Variants in LIMCH1 observed in about 807,000 individuals in gnomAD.
LIMCH1 encodes LIM and calponin homology domains 1.
Under a neutral mutation model 176.5 loss-of-function variants are expected in LIMCH1, and 113 were observed. The observed-to-expected ratio is 0.64, with a 90% CI of 0.55 to 0.75. The LOEUF (loss-of-function observed/expected upper bound fraction) is 0.75, where lower values mean the gene tolerates loss of function less well. LIMCH1 is among the 30% of genes least tolerant of loss of function. The pLI, the probability that LIMCH1 is intolerant of heterozygous loss-of-function variation, is 0.00. For missense variants in LIMCH1, 1,674 were observed against 1,814.9 expected (o/e 0.92, Z 1.41); for synonymous variants, 619 against 645.9 (o/e 0.96, Z 0.63).
intron 1 of LIMCH1, among the ~76,000 whole-genome samples, chr4:41,566,513 T>C (rs1024270277): frequency 5.3e-5 from 8 of 152,216 alleles, no homozygotes; most frequent in Non-Finnish European, 1.0e-4. Context: ...ATCAGAATAC[T>C]GAAGGACAGT....
intron 27 of LIMCH1, 92 bp from the exon 28 acceptor site, chr4:41,685,618 C>A: frequency 1.3e-6 from 2 of 1,487,660 alleles, no homozygotes; most frequent in Non-Finnish European, 1.9e-6. Flanking sequence ...TATAAAACCT[C>A]AACAGGCATT....
intron 22 of LIMCH1, among the ~76,000 whole-genome samples, chr4:41,675,633 G>A (rs574739625): frequency 8.5e-5 from 13 of 152,072 alleles, no homozygotes; most frequent in Admixed American, 7.9e-4. Flanking sequence ...TGGTTTCCTG[G>A]GGGCAGGCTG....
At chr4:41,633,124 C>A (rs2093412046) in intron 12 of LIMCH1, 39 bp downstream of exon 12, 1 of 1,400,116 alleles carries the variant, frequency 7.1e-7, no homozygotes, top group Non-Finnish European at 9.7e-7. Flanking sequence ...TGGTGTGTTG[C>A]CCCTGCTGTG....
chr4:41,476,946 T>C (rs771057473), intron 1 of LIMCH1, among the ~76,000 whole-genome samples: 12 of 152,214 alleles, frequency 7.9e-5, no homozygotes, highest in Non-Finnish European at 1.3e-4. Context: ...GGGGTTTATT[T>C]TCTTATTACA....
intron 1 of LIMCH1, among the ~76,000 whole-genome samples, chr4:41,415,829 T>C (rs778805806): frequency 2.1e-4 from 32 of 150,296 alleles, no homozygotes; most frequent in Non-Finnish European, 4.6e-4. Flanking sequence ...TAAAAAAAAA[T>C]AGCTGGGCAT....
chr4:41,427,305 A>G (rs1302588283), intron 1 of LIMCH1, among the ~76,000 whole-genome samples: 1 of 152,202 alleles, frequency 6.6e-6, no homozygotes, highest in African/African-American at 2.4e-5. Flanking sequence ...AAGGAAGGCC[A>G]TATCATGTGT....
chr4:41,516,874 C>G (rs1009925875), intron 2 of LIMCH1, among the ~76,000 whole-genome samples: 1 of 152,192 alleles, frequency 6.6e-6, no homozygotes, highest in Non-Finnish European at 1.5e-5. Flanking sequence ...AGTATGTGCC[C>G]AGGTGTTAAA....
intron 1 of LIMCH1, among the ~76,000 whole-genome samples, chr4:41,476,503 A>T (rs1347076381): frequency 6.6e-6 from 1 of 152,110 alleles, no homozygotes; most frequent in Non-Finnish European, 1.5e-5. Context: ...GCAACACCAC[A>T]CTCTGCATCA....
At chr4:41,393,031 A>G (rs923223939) in intron 1 of LIMCH1, among the ~76,000 whole-genome samples, 2 of 152,210 alleles carry the variant, frequency 1.3e-5, no homozygotes, top group African/African-American at 2.4e-5. Flanking sequence ...CTCTGTCTCA[A>G]AAAAGAAAAA....
chr4:41,546,442 A>ATT (rs61474012), intron 1 of LIMCH1, among the ~76,000 whole-genome samples: 3,242 of 144,712 alleles, frequency 0.022, 110 homozygotes, highest in African/African-American at 0.076. Context: ...CCCAGCCTGT[A>ATT]TTTTTTTTTT....
At chr4:41,564,587 T>C (rs2082471802) in intron 1 of LIMCH1, among the ~76,000 whole-genome samples, 1 of 152,156 alleles carries the variant, frequency 6.6e-6, no homozygotes, top group South Asian at 2.1e-4. Flanking sequence ...GTGAAATTAA[T>C]GTATCCTATT....
At chr4:41,578,721 C>T (rs762345740) in intron 1 of LIMCH1, among the ~76,000 whole-genome samples, 18 of 151,884 alleles carry the variant, frequency 1.2e-4, no homozygotes, top group Non-Finnish European at 2.5e-4. Context: ...TTCCCTTCCA[C>T]TCCCCTCCCC....
intron 1 of LIMCH1, among the ~76,000 whole-genome samples, chr4:41,592,582 A>G (rs1355993352): frequency 1.3e-5 from 2 of 152,058 alleles, no homozygotes; most frequent in African/African-American, 4.8e-5. Flanking sequence ...TCCTTTCTTG[A>G]CCTGAGTGAA....
chr4:41,545,719 T>G (rs2079285146), intron 1 of LIMCH1, among the ~76,000 whole-genome samples: 1 of 152,244 alleles, frequency 6.6e-6, no homozygotes, highest in African/African-American at 2.4e-5. Context: ...CTCTTATGGT[T>G]GATCAGAAAG....
intron 1 of LIMCH1, among the ~76,000 whole-genome samples, chr4:41,381,935 C>T (rs1027150313): frequency 1.3e-5 from 2 of 152,274 alleles, no homozygotes; most frequent in African/African-American, 4.8e-5. Flanking sequence ...CTCACCGGAT[C>T]CCAGTAGTAC....
intron 18 of LIMCH1, among the ~76,000 whole-genome samples, chr4:41,652,070 G>A (rs2094319609): frequency 6.6e-6 from 1 of 152,110 alleles, no homozygotes; most frequent in South Asian, 2.1e-4. Context: ...ATAGTTACAA[G>A]AAGGGAAAAA....
intron 1 of LIMCH1, among the ~76,000 whole-genome samples, chr4:41,589,945 A>G (rs972753660): frequency 3.3e-5 from 5 of 152,028 alleles, no homozygotes; most frequent in South Asian, 2.1e-4. Context: ...GACAATCTCA[A>G]TGTCTAAAAA....
intron 1 of LIMCH1, among the ~76,000 whole-genome samples, chr4:41,412,187 A>G (rs534218321): frequency 6.6e-6 from 1 of 152,144 alleles, no homozygotes; most frequent in African/African-American, 2.4e-5. Flanking sequence ...GCTGAGCAGC[A>G]ATTTATTAAA....
chr4:41,629,346 T>C, intron 8 of LIMCH1, 146 bp from the exon 9 acceptor site: 2 of 969,922 alleles, frequency 2.1e-6, no homozygotes, highest in East Asian at 2.7e-5. Context: ...CTCCCGTTGA[T>C]TCCATTTTTG....
Sources: gnomAD v4.1 joint callset for allele counts (sites outside exome capture counted in the v4.1 genomes callset) on GRCh38, gnomAD v4.1.1 for gene constraint, MANE v1.5 for transcripts, NCBI Gene and HGNC (gene_info 2026-07-23, HGNC 2026-07-21) for gene names.